PTPN21: variants seen among roughly 807,000 people sequenced by gnomAD.
The protein encoded by PTPN21 is protein tyrosine phosphatase non-receptor type 21.
Under a neutral mutation model 131.8 loss-of-function variants are expected in PTPN21, and 77 were observed. The observed-to-expected ratio is 0.58, with a 90% CI of 0.49 to 0.71. The LOEUF is 0.71. Ranked by LOEUF, PTPN21 falls within the 30% of genes least tolerant of loss-of-function variation. The probability of loss-of-function intolerance (pLI) is 0.00; values close to 1 mark genes in which losing one functional copy is unlikely to be tolerated. For missense variants in PTPN21, 1,552 were observed against 1,527.1 expected, an observed-to-expected ratio of 1.02 and a Z score of -0.27; for synonymous variants, 715 against 621.3, an observed-to-expected ratio of 1.15 and a Z score of -2.24.
At chr14:88,488,575 G>A (rs2077771358) in intron 10 of PTPN21, among the ~76,000 whole-genome samples, 1 of 152,168 alleles carries the variant, frequency 6.6e-6, no homozygotes, top group Non-Finnish European at 1.5e-5. Flanking sequence ...AACTTTTTGG[G>A]CAGTTACTAT....
intron 2 of PTPN21, among the ~76,000 whole-genome samples, chr14:88,518,366 G>A (rs2078323882): frequency 3.7e-5 from 1 of 26,954 alleles, no homozygotes; most frequent in Non-Finnish European, 9.0e-5. Context: ...ACATACACGT[G>A]TGTGTGTATG....
intron 12 of PTPN21, among the ~76,000 whole-genome samples, chr14:88,483,537 C>A (rs1009207370): frequency 6.6e-6 from 1 of 152,124 alleles, no homozygotes; most frequent in African/African-American, 2.4e-5. Flanking sequence ...AGGGCCGACA[C>A]AAACAATACA....
chr14:88,500,681 A>C lies in PTPN21; in HGVS notation c.764+102T>G, dbSNP rs1595373460. On this transcript the variant is annotated intron_variant, in intron 8 of 18. Transcript: ENST00000556564. The stretch of plus-strand genomic sequence containing the variant: ...GGAATTATTTCCATTTTTTAATGAG[A>C]CCTTGGTATAGACTTGTGAACAATT... 5.1e-6 allele frequency: 4 copies of C among 780,162 alleles called. No homozygotes were observed. The East Asian group carries it at 7.4e-5, about 14-fold the overall frequency. The allele number at this position is 780,162 out of a possible 1,614,324, so 48.3% of individuals were successfully genotyped here.
chr14:88,529,470 T>A (rs2078524390), intron 2 of PTPN21, among the ~76,000 whole-genome samples: 1 of 152,048 alleles, frequency 6.6e-6, no homozygotes. Context: ...TTATGTTAAA[T>A]GACCAAACAT....
intron 2 of PTPN21, among the ~76,000 whole-genome samples, chr14:88,531,973 G>A (rs752789970): frequency 9.9e-5 from 15 of 152,054 alleles, no homozygotes; most frequent in African/African-American, 1.7e-4. Flanking sequence ...TACTATGAAC[G>A]CCTTTGCGTG....
In PTPN21 at chr14:88,468,863, T is replaced by TCTG. The variant is rs2077407272; in HGVS notation, c.3396+52_3396+53insCAG. The TCTG allele has an allele frequency of 2.5e-6, 4 of 1,610,706 alleles. No homozygotes were observed. In the African/African-American group the frequency reaches 5.3e-5, roughly 22 times the overall value. ...GCTATTAAGTCACTATGTCCCTCTC[T>TCTG]TCCCCAGCCTCATTTCCACCCAAAA... On this transcript the variant is annotated intron_variant, in intron 18 of 18. Transcript: ENST00000556564.
intron 2 of PTPN21, among the ~76,000 whole-genome samples, chr14:88,517,655 T>C (rs969348822): frequency 2.0e-5 from 3 of 147,984 alleles, no homozygotes; most frequent in African/African-American, 7.4e-5. Flanking sequence ...TATATATGTA[T>C]ATATACACAT....
chr14:88,469,408 CAT>C lies in PTPN21; in HGVS notation c.3235+89_3235+90del. ...CAAGTCCGAAGCTTATATGAGATAA[CAT>C]AAAGGAAATATTTCGGAAACATAAA... On this transcript the variant is annotated intron_variant, in intron 17 of 18. Coordinates refer to ENST00000556564, the MANE Select transcript of PTPN21 (RefSeq NM_007039.4). This position sits in a 1 kb window ranked among gnomAD's most constrained non-coding sequence, Gnocchi z 4.3. 5.2e-6 allele frequency: 6 copies of C among 1,158,372 alleles called. No individual in the cohort carries two copies. The highest frequency in any genetic ancestry group is 7.5e-6 in the Non-Finnish European group (6 of 796,064). 71.8% of individuals were successfully genotyped at this position (1,158,372 alleles called of 1,614,324 possible).
At chr14:88,530,694 G>T (rs540813297) in intron 2 of PTPN21, among the ~76,000 whole-genome samples, 1 of 152,068 alleles carries the variant, frequency 6.6e-6, no homozygotes, top group South Asian at 2.1e-4. Flanking sequence ...GACAAAGAGG[G>T]ACATTATGGA....
At chr14:88,518,305 T>C (rs149831337) in intron 2 of PTPN21, among the ~76,000 whole-genome samples, 17,835 of 93,120 alleles carry the variant, frequency 0.19, 2,508 homozygotes, top group East Asian at 0.26. Context: ...CACACACATA[T>C]ATGTGTATAT....
At chr14:88,471,432 G>A (rs2077465755) in intron 15 of PTPN21, among the ~76,000 whole-genome samples, 1 of 152,090 alleles carries the variant, frequency 6.6e-6, no homozygotes, top group Non-Finnish European at 1.5e-5. Flanking sequence ...CCCAGATAAG[G>A]TGCCAAGAAC....
At chr14:88,474,006 A>T (rs111666173) in intron 13 of PTPN21, 2 of 485,756 alleles carry the variant, frequency 4.1e-6, no homozygotes, top group African/African-American at 2.0e-5. Flanking sequence ...AGCCCTGATA[A>T]AGTCTTCCAG....
chr14:88,490,808 C>A (rs1425727468), intron 10 of PTPN21, among the ~76,000 whole-genome samples: 1 of 152,222 alleles, frequency 6.6e-6, no homozygotes, highest in Admixed American at 6.5e-5. Context: ...AGTTTCCCTT[C>A]TGGAGAAAGT....
At chr14:88,468,395 T>A in intron 18 of PTPN21, 130 bp from the exon 19 acceptor site, 1 of 889,268 alleles carries the variant, frequency 1.1e-6, no homozygotes, top group Non-Finnish European at 1.7e-6. Context: ...TAGCGTCTTC[T>A]AGAAATAAGC....
intron 3 of PTPN21, 103 bp downstream of exon 3, chr14:88,516,989 G>C (rs994987917): frequency 1.5e-6 from 2 of 1,331,740 alleles, no homozygotes; most frequent in Non-Finnish European, 2.1e-6. Context: ...AATGTGGGGC[G>C]AGAGGGCAAA....
At chr14:88,507,468 T>C (rs1397196326) in intron 4 of PTPN21, among the ~76,000 whole-genome samples, 5 of 152,152 alleles carry the variant, frequency 3.3e-5, no homozygotes, top group Non-Finnish European at 7.3e-5. Context: ...CTATTGCTCA[T>C]AGAAGCCTAT....
intron 2 of PTPN21, among the ~76,000 whole-genome samples, chr14:88,520,246 T>C (rs1451183653): frequency 2.0e-5 from 3 of 152,104 alleles, no homozygotes; most frequent in African/African-American, 7.2e-5. Context: ...CGAAACACTG[T>C]CTGTGTAAAA....
At chr14:88,548,296 C>T (rs1481680314) in intron 2 of PTPN21, among the ~76,000 whole-genome samples, 1 of 152,180 alleles carries the variant, frequency 6.6e-6, no homozygotes, top group Non-Finnish European at 1.5e-5. Flanking sequence ...AATCTAAATC[C>T]TTTAACAAAA....
intron 2 of PTPN21, among the ~76,000 whole-genome samples, chr14:88,542,901 G>A (rs1033659489): frequency 3.3e-5 from 5 of 151,992 alleles, no homozygotes; most frequent in Admixed American, 6.6e-5. Context: ...TCTCTACCTC[G>A]GTCTTACTTG....
Sources: gnomAD v4.1 joint callset for allele counts (sites outside exome capture counted in the v4.1 genomes callset) on GRCh38, gnomAD v4.1.1 for gene constraint, Gnocchi (gnomAD v3.1) non-coding constraint, MANE v1.5 for transcripts, NCBI Gene and HGNC (gene_info 2026-07-23, HGNC 2026-07-21) for gene names.